FDX1: variants seen among roughly 807,000 people sequenced by gnomAD.
FDX1 encodes ferredoxin 1, also known as adrenodoxin, mitochondrial.
In FDX1, 9 loss-of-function variants were observed where a neutral mutation model predicts 14.9. The ratio of observed to expected loss-of-function variants is 0.60; its 90% CI spans 0.36 to 1.05. FDX1 has a LOEUF of 1.05. Among genes scored for constraint, FDX1 ranks in the 50% least tolerant of loss-of-function variants. The pLI is 0.01. For synonymous variants in FDX1, 92 were observed against 99.4 expected (o/e 0.93, Z 0.44); for missense variants, 204 against 237.2 (o/e 0.86, Z 0.92).
chr11:110,455,252 G>A (rs542480091), intron 2 of FDX1, among the ~76,000 whole-genome samples: 1 of 151,598 alleles, frequency 6.6e-6, no homozygotes, highest in South Asian at 2.1e-4. Context: ...CATCTGCCTC[G>A]GCCTCCCGAA....
chr11:110,441,225 G>T (rs926105920), intron 2 of FDX1, among the ~76,000 whole-genome samples: 3 of 152,322 alleles, frequency 2.0e-5, no homozygotes, highest in Admixed American at 1.3e-4. Flanking sequence ...TTTGTCAGCA[G>T]TGTGAAAATG....
Position 110,463,987 on chromosome 11 carries a change from A to G in FDX1, c.*1519A>G, listed in dbSNP as rs1244901583. 1 of 149,820 alleles carries G rather than the reference A, an allele frequency of 6.7e-6. No individual in the cohort carries two copies. The highest frequency in any genetic ancestry group is 1.5e-5 in the Non-Finnish European group (1 of 67,834). 9.3% of individuals were successfully genotyped at this position (149,820 alleles called of 1,614,324 possible). ...GAGTACAATAGTATGATCTCGGCTC[A>G]CTGCAACTTCTGCCTCCCAGTTTCA... On this transcript the variant is annotated 3_prime_UTR_variant, in exon 4 of 4. Coordinates refer to ENST00000260270, the MANE Select transcript of FDX1 (RefSeq NM_004109.5).
Position 110,457,307 on chromosome 11 carries a change from C to T in FDX1, c.440+260C>T, listed in dbSNP as rs897857889. The stretch of plus-strand genomic sequence containing the variant: ...GATCCTAACACCTCTTCTTTAGTCT[C>T]TTTTTACTCCAGGAACTAATATGTA... On this transcript the variant is annotated intron_variant, in intron 3 of 3. Coordinates refer to ENST00000260270, the MANE Select transcript of FDX1 (RefSeq NM_004109.5). Among the ~76,000 whole-genome samples, 9 of 152,224 alleles carry T rather than the reference C, an allele frequency of 5.9e-5. No homozygotes were observed. In the East Asian group the frequency reaches 1.5e-3, roughly 26 times the overall value.
At chr11:110,432,183 A>G (rs1211591238) in intron 1 of FDX1, among the ~76,000 whole-genome samples, 1 of 152,218 alleles carries the variant, frequency 6.6e-6, no homozygotes, top group Admixed American at 6.5e-5. Flanking sequence ...GCTATCAGTA[A>G]TTGAGAGTCA....
intron 1 of FDX1, among the ~76,000 whole-genome samples, chr11:110,431,688 G>T (rs1946333026): frequency 6.6e-6 from 1 of 152,192 alleles, no homozygotes; most frequent in Admixed American, 6.5e-5. Context: ...TTGTGTAACT[G>T]GTATAAGGGA....
intron 2 of FDX1, among the ~76,000 whole-genome samples, chr11:110,444,479 G>A (rs998788287): frequency 2.0e-5 from 3 of 151,106 alleles, no homozygotes; most frequent in African/African-American, 7.3e-5. Context: ...AGCCAGGTGT[G>A]GTGGCATACA....
At chr11:110,451,656 A>T (rs191356861) in intron 2 of FDX1, among the ~76,000 whole-genome samples, 2 of 152,262 alleles carry the variant, frequency 1.3e-5, no homozygotes, top group Non-Finnish European at 2.9e-5. Flanking sequence ...TTGTAGCACT[A>T]TTCACAATAG....
At chr11:110,432,040 T>TG (rs1946335337) in intron 1 of FDX1, among the ~76,000 whole-genome samples, 1 of 152,232 alleles carries the variant, frequency 6.6e-6, no homozygotes, top group Non-Finnish European at 1.5e-5. Flanking sequence ...AGTAGCCACA[T>TG]GTGGCTAGTG....
chr11:110,457,766 T>A (rs1249642179), intron 3 of FDX1, among the ~76,000 whole-genome samples: 1 of 152,218 alleles, frequency 6.6e-6, no homozygotes, highest in African/African-American at 2.4e-5. Flanking sequence ...ATAATAGTTT[T>A]ATTTCATGTG....
At chr11:110,448,231 A>G (rs1303586257) in intron 2 of FDX1, among the ~76,000 whole-genome samples, 1 of 152,154 alleles carries the variant, frequency 6.6e-6, no homozygotes, top group East Asian at 1.9e-4. Flanking sequence ...TACAAATTGG[A>G]AGATCCTGAT....
chr11:110,436,969 T>G (rs1018902330), intron 2 of FDX1, among the ~76,000 whole-genome samples: 5 of 152,010 alleles, frequency 3.3e-5, no homozygotes, highest in African/African-American at 9.7e-5. Flanking sequence ...TTGTCCAGAG[T>G]TGGCACTCAA....
At chr11:110,443,168 C>T (rs1946416051) in intron 2 of FDX1, among the ~76,000 whole-genome samples, 1 of 152,104 alleles carries the variant, frequency 6.6e-6, no homozygotes, top group South Asian at 2.1e-4. Context: ...TGGACTAATA[C>T]AATTGGTTAC....
At chr11:110,434,725 GTTTTTTTTTTTT>G (rs56907322) in intron 1 of FDX1, among the ~76,000 whole-genome samples, 1 of 105,704 alleles carries the variant, frequency 9.5e-6, no homozygotes, top group South Asian at 3.2e-4. Flanking sequence ...GACTTTTTTT[GTTTTTTTTTTTT>G]TTTTTTTTTT....
chr11:110,441,861 C>T (rs1390193497), intron 2 of FDX1, among the ~76,000 whole-genome samples: 2 of 152,200 alleles, frequency 1.3e-5, no homozygotes, highest in South Asian at 2.1e-4. Context: ...CATGGCAGCC[C>T]CTCCCATCAC....
intron 2 of FDX1, among the ~76,000 whole-genome samples, chr11:110,438,679 C>T (rs1946386194): frequency 6.6e-6 from 1 of 152,196 alleles, no homozygotes; most frequent in Admixed American, 6.5e-5. Flanking sequence ...ATTGACCAGG[C>T]TGGTCTTGAA....
At chr11:110,444,768 T>G (rs1946439148) in intron 2 of FDX1, among the ~76,000 whole-genome samples, 1 of 116,384 alleles carries the variant, frequency 8.6e-6, no homozygotes, top group Non-Finnish European at 1.8e-5. Context: ...ATATATATAT[T>G]TGCAGAACAA....
intron 1 of FDX1, among the ~76,000 whole-genome samples, chr11:110,431,570 C>T (rs1443727127): frequency 6.6e-6 from 1 of 152,148 alleles, no homozygotes; most frequent in Non-Finnish European, 1.5e-5. Context: ...GTTCCTGTTT[C>T]CTCTGCACTT....
intron 2 of FDX1, among the ~76,000 whole-genome samples, chr11:110,442,492 G>C (rs1946411088): frequency 6.6e-6 from 1 of 152,342 alleles, no homozygotes; most frequent in South Asian, 2.1e-4. Flanking sequence ...AGTCAAAGGA[G>C]ATCATTTTGG....
In FDX1 at chr11:110,435,920, A is replaced by G. The variant is rs1325575395; in HGVS notation, c.272A>G (p.Asp91Gly). 2 of 1,612,740 alleles carry G rather than the reference A, an allele frequency of 1.2e-6. No individual in the cohort carries two copies. The highest frequency in any genetic ancestry group is 1.7e-6 in the Non-Finnish European group (2 of 1,179,180). Reference protein sequence around the residue: ...TKGKVGDSLLDVVVENNLDID... With the variant: ...TKGKVGDSLLGVVVENNLDID... ...GGAAAAGTTGGTGATTCTCTGCTAG[A>G]TGTTGTGGTTGAAAATAATCTAGAT... The change falls in exon 2 of 4, where the codon GAT (aspartate) becomes GGT (glycine). Residue 91 changes from aspartate (D) to glycine (G), a missense_variant. Physicochemically the swap from Asp to Gly is moderately conservative, Grantham distance 94 (BLOSUM62 -1). Coordinates refer to ENST00000260270, the MANE Select transcript of FDX1 (RefSeq NM_004109.5).
Sources: allele counts gnomAD v4.1 joint callset (sites outside exome capture counted in the v4.1 genomes callset), GRCh38; gene constraint gnomAD v4.1.1; transcripts MANE v1.5; gene names NCBI Gene and HGNC (gene_info 2026-07-23, HGNC 2026-07-21).